Variants in PDLIM5 observed in about 807,000 individuals in gnomAD.
PDLIM5 encodes PDZ and LIM domain 5, also known as PDZ and LIM domain protein 5.
PDLIM5 carries 34 observed loss-of-function variants against 64.2 expected under a neutral mutation model. That is an observed-to-expected ratio of 0.53 (90% CI 0.40 to 0.71). The LOEUF (loss-of-function observed/expected upper bound fraction) is 0.71, where lower values mean the gene tolerates loss of function less well. PDLIM5 is among the 30% of genes least tolerant of loss of function. The probability of loss-of-function intolerance (pLI) is 0.00; values close to 1 mark genes in which losing one functional copy is unlikely to be tolerated. For synonymous variants in PDLIM5, 253 were observed against 269.1 expected, an observed-to-expected ratio of 0.94 and a Z score of 0.59; for missense variants, 683 against 733.6, an observed-to-expected ratio of 0.93 and a Z score of 0.80.
chr4:94,606,920 G>A lies in PDLIM5; in HGVS notation c.921-11084G>A, dbSNP rs189384866. On this transcript the variant is annotated intron_variant, in intron 7 of 12. Coordinates refer to ENST00000317968, the MANE Select transcript of PDLIM5 (RefSeq NM_006457.5). ...TTTTATATAATTTTTGTGTGTCATT[G>A]TATTGTTATTTCGATTTTCTTAACC... is the stretch of plus-strand genomic sequence containing the variant. Among the ~76,000 whole-genome samples the A allele has an allele frequency of 2.0e-5, 3 of 152,272 alleles. No homozygotes were observed. In the East Asian group the frequency reaches 5.8e-4, roughly 29 times the overall value.
chr4:94,577,522 G>T (rs1266130729), intron 5 of PDLIM5: 5 of 306,094 alleles, frequency 1.6e-5, no homozygotes, highest in South Asian at 5.7e-5. Flanking sequence ...GAATGTTATT[G>T]TTTCTTTCAT....
chr4:94,599,019 C>T (rs545236619), intron 7 of PDLIM5, among the ~76,000 whole-genome samples: 10 of 152,124 alleles, frequency 6.6e-5, no homozygotes, highest in Admixed American at 2.0e-4. Context: ...TAAGAGATTA[C>T]GTGAAGTACT....
At chr4:94,646,035 T>G (rs1179165344) in intron 9 of PDLIM5, among the ~76,000 whole-genome samples, 2 of 152,240 alleles carry the variant, frequency 1.3e-5, no homozygotes, top group Non-Finnish European at 2.9e-5. Flanking sequence ...GGGCTCACTT[T>G]TCTAGTTTCT....
At position 94,654,444 on chromosome 4, in the gene PDLIM5, C is replaced by CT. The variant is rs1377396078; in HGVS notation, c.1284-11dup. 47 of 1,570,614 alleles carry CT rather than the reference C, an allele frequency of 3.0e-5. No homozygotes were observed. Among genetic ancestry groups the CT allele is most frequent in the Middle Eastern group, 1.7e-4 (1 of 5,930 alleles). ...TTTTATTCTCAAACTTAGTTGGCCT[C>CT]TTTTTCTTCTGTCAGAGGACCATTC... On this transcript the variant is annotated splice_polypyrimidine_tract_variant and intron_variant, in intron 9 of 12. Coordinates refer to ENST00000317968, the MANE Select transcript of PDLIM5 (RefSeq NM_006457.5).
chr4:94,561,469 T>TAA, intron 3 of PDLIM5, among the ~76,000 whole-genome samples: 1 of 152,360 alleles, frequency 6.6e-6, no homozygotes, highest in Middle Eastern at 3.4e-3. Flanking sequence ...GAGGAGTCAG[T>TAA]AACTTCGATG....
intron 3 of PDLIM5, among the ~76,000 whole-genome samples, chr4:94,546,477 A>G (rs994739152): frequency 1.3e-5 from 2 of 152,174 alleles, no homozygotes; most frequent in Non-Finnish European, 2.9e-5. Flanking sequence ...TTAAATTGTT[A>G]TCAAACAAAA....
intron 7 of PDLIM5, among the ~76,000 whole-genome samples, chr4:94,594,330 C>T (rs965560974): frequency 4.6e-5 from 7 of 151,646 alleles, no homozygotes; most frequent in Admixed American, 3.9e-4. Context: ...ATGGTGATTC[C>T]CATGAGGAGA....
chr4:94,656,699 A>G (rs968214226), intron 10 of PDLIM5: 2 of 151,332 alleles, frequency 1.3e-5, no homozygotes, highest in African/African-American at 4.8e-5. Context: ...CAGTGGCGCG[A>G]TATCGGCTCA....
At chr4:94,514,614 G>A (rs1729206973) in intron 2 of PDLIM5, among the ~76,000 whole-genome samples, 1 of 152,160 alleles carries the variant, frequency 6.6e-6, no homozygotes, top group Non-Finnish European at 1.5e-5. Context: ...AAGTAGGATT[G>A]TATTAGTTCT....
chr4:94,628,618 TGAAATTA>T (rs945460809), intron 8 of PDLIM5, among the ~76,000 whole-genome samples: 7 of 152,144 alleles, frequency 4.6e-5, no homozygotes, highest in Middle Eastern at 3.2e-3. Flanking sequence ...CCTTCATTTC[TGAAATTA>T]GGCTGCTTTC....
chr4:94,649,199 C>T (rs968066259), intron 9 of PDLIM5, among the ~76,000 whole-genome samples: 2 of 152,076 alleles, frequency 1.3e-5, no homozygotes, highest in Non-Finnish European at 2.9e-5. Context: ...TGGTCTCGAA[C>T]TCCTGGCCTC....
At chr4:94,564,656 C>CTTTTTTTTTTTTTTTTTTTT (rs768721210) in intron 3 of PDLIM5, among the ~76,000 whole-genome samples, 2 of 104,542 alleles carry the variant, frequency 1.9e-5, no homozygotes, top group Non-Finnish European at 3.6e-5. Context: ...AATTTTGTCT[C>CTTTTTTTTTTTTTTTTTTTT]TTTTTTTTTT....
intron 2 of PDLIM5, among the ~76,000 whole-genome samples, chr4:94,523,356 AC>A (rs1192953770): frequency 6.6e-6 from 1 of 152,146 alleles, no homozygotes; most frequent in Non-Finnish European, 1.5e-5. Context: ...GAGTATAAAA[AC>A]CCCATTCAGA....
At chr4:94,592,593 T>A (rs1427230468) in intron 7 of PDLIM5, among the ~76,000 whole-genome samples, 1 of 152,124 alleles carries the variant, frequency 6.6e-6, no homozygotes, top group East Asian at 1.9e-4. Flanking sequence ...AATGACTGCA[T>A]TGAGTGTAAA....
At chr4:94,622,602 C>A (rs1423863924) in intron 8 of PDLIM5, among the ~76,000 whole-genome samples, 2 of 151,992 alleles carry the variant, frequency 1.3e-5, no homozygotes, top group East Asian at 3.9e-4. Context: ...AGAAGGTTAG[C>A]ATTTTTGTGA....
At chr4:94,475,064 A>G (rs897016272) in intron 2 of PDLIM5, among the ~76,000 whole-genome samples, 3 of 152,062 alleles carry the variant, frequency 2.0e-5, no homozygotes, top group African/African-American at 4.8e-5. Flanking sequence ...TCGTTAGACA[A>G]TTATCTAAGT....
chr4:94,456,335 A>G, intron 2 of PDLIM5: 3 of 573,648 alleles, frequency 5.2e-6, no homozygotes, highest in Non-Finnish European at 9.3e-6. Flanking sequence ...AGTAGCTGGG[A>G]TTACAGGCAT....
chr4:94,662,378 T>G, intron 11 of PDLIM5, 44 bp from the exon 12 acceptor site: 1 of 906,420 alleles, frequency 1.1e-6, no homozygotes, highest in Non-Finnish European at 1.8e-6. Flanking sequence ...ATTCTAAAAC[T>G]TCATCATGTT....
chr4:94,456,995 T>C (rs1040004309), intron 2 of PDLIM5: 5 of 980,998 alleles, frequency 5.1e-6, no homozygotes, highest in Admixed American at 1.2e-4. Flanking sequence ...CACTTTACCT[T>C]AAATTTAGTT....
Sources: gnomAD v4.1 joint callset for allele counts (sites outside exome capture counted in the v4.1 genomes callset) on GRCh38, gnomAD v4.1.1 for gene constraint, MANE v1.5 for transcripts, NCBI Gene and HGNC (gene_info 2026-07-23, HGNC 2026-07-21) for gene names.